The following ADGRB3 variants were observed in gnomAD, a reference collection of about 807,000 sequenced individuals.
The protein encoded by ADGRB3 is brain-specific angiogenesis inhibitor 3.
In ADGRB3, 37 loss-of-function variants were observed where a neutral mutation model predicts 193.4. The observed-to-expected ratio is 0.19, with a 90% CI of 0.15 to 0.25. ADGRB3 has a LOEUF of 0.25. Among genes scored for constraint, ADGRB3 ranks in the 10% least tolerant of loss-of-function variants. The probability of loss-of-function intolerance (pLI) is 1.00; values close to 1 mark genes in which losing one functional copy is unlikely to be tolerated. For missense variants in ADGRB3, 1,637 were observed against 1,852.9 expected, an observed-to-expected ratio of 0.88 and a Z score of 2.14; for synonymous variants, 690 against 644.2, an observed-to-expected ratio of 1.07 and a Z score of -1.08.
At chr6:68,998,716 C>A (rs1445487426) in intron 11 of ADGRB3, among the ~76,000 whole-genome samples, 1 of 152,146 alleles carries the variant, frequency 6.6e-6, no homozygotes. Flanking sequence ...AGAGAAAAAA[C>A]AAAGGAAATA....
intron 4 of ADGRB3, among the ~76,000 whole-genome samples, chr6:68,931,381 A>G (rs932872923): frequency 2.0e-5 from 3 of 152,056 alleles, no homozygotes; most frequent in Admixed American, 1.3e-4. Flanking sequence ...TTGAACTAAT[A>G]TATGTATTCA....
chr6:68,925,494 G>A (rs1767154773), intron 3 of ADGRB3, among the ~76,000 whole-genome samples: 2 of 152,060 alleles, frequency 1.3e-5, no homozygotes, highest in Non-Finnish European at 2.9e-5. Flanking sequence ...CCAGTCAGAT[G>A]ATGGAATCTT....
intron 31 of ADGRB3, among the ~76,000 whole-genome samples, chr6:69,388,165 G>T (rs1770114520): frequency 6.6e-6 from 1 of 151,958 alleles, no homozygotes; most frequent in Admixed American, 6.6e-5. Flanking sequence ...CATAAAACAA[G>T]AGAATATAGC....
At chr6:69,062,434 G>A (rs912039874) in intron 15 of ADGRB3, among the ~76,000 whole-genome samples, 2 of 151,866 alleles carry the variant, frequency 1.3e-5, no homozygotes, top group East Asian at 1.9e-4. Context: ...ATTAGCAACA[G>A]CATTTATTTC....
chr6:69,069,297 G>C (rs564001723), intron 16 of ADGRB3, among the ~76,000 whole-genome samples: 1 of 151,980 alleles, frequency 6.6e-6, no homozygotes, highest in South Asian at 2.1e-4. Context: ...CTGTAGAACT[G>C]TTCATATGTT....
At chr6:68,949,428 G>A (rs576272827) in intron 6 of ADGRB3, among the ~76,000 whole-genome samples, 7 of 152,254 alleles carry the variant, frequency 4.6e-5, no homozygotes, top group Admixed American at 3.3e-4. Flanking sequence ...TAAGAGTAGG[G>A]CCTCATAAAC....
At chr6:69,317,362 C>A (rs1216861207) in intron 20 of ADGRB3, among the ~76,000 whole-genome samples, 1 of 151,326 alleles carries the variant, frequency 6.6e-6, no homozygotes, top group East Asian at 1.9e-4. Context: ...TACACTTGTT[C>A]CTGCTTGTAC....
At chr6:68,888,482 A>C (rs1041027724) in intron 3 of ADGRB3, among the ~76,000 whole-genome samples, 1 of 151,430 alleles carries the variant, frequency 6.6e-6, no homozygotes, top group Non-Finnish European at 1.5e-5. Context: ...GGTCACATTC[A>C]TTTATTCAAT....
chr6:68,670,615 A>G (rs1050472647), intron 3 of ADGRB3, among the ~76,000 whole-genome samples: 22 of 151,672 alleles, frequency 1.5e-4, no homozygotes, highest in African/African-American at 4.8e-4. Context: ...CCATGAGTCT[A>G]TGTTTCTGTT....
At chr6:69,348,353 T>G (rs762703384) in intron 26 of ADGRB3, among the ~76,000 whole-genome samples, 1 of 151,884 alleles carries the variant, frequency 6.6e-6, no homozygotes, top group Non-Finnish European at 1.5e-5. Context: ...CTGTCTCTAG[T>G]CAAGAAGAGT....
intron 20 of ADGRB3, among the ~76,000 whole-genome samples, chr6:69,297,238 C>T (rs1582613852): frequency 6.6e-6 from 1 of 152,014 alleles, no homozygotes; most frequent in South Asian, 2.1e-4. Flanking sequence ...TATATATCAG[C>T]CCAATAAATG....
chr6:68,641,687 G>A lies in ADGRB3; in HGVS notation c.757+2255G>A, dbSNP rs1561980196. Among the ~76,000 whole-genome samples the A allele has an allele frequency of 3.3e-5, 5 of 152,034 alleles. No homozygotes were observed. The South Asian group carries it at 8.3e-4, about 25-fold the overall frequency. The stretch of plus-strand genomic sequence containing the variant: ...AGTAATTACTGATGACACATTTGTA[G>A]GTGATGTATTTGTTAAGTAATTCTT... On this transcript the variant is annotated intron_variant, in intron 3 of 31. Transcript: ENST00000370598.
intron 3 of ADGRB3, among the ~76,000 whole-genome samples, chr6:68,779,060 C>T (rs1427612891): frequency 6.6e-6 from 1 of 151,948 alleles, no homozygotes; most frequent in Non-Finnish European, 1.5e-5. Context: ...AGATCACCCA[C>T]TTTATTAACA....
intron 3 of ADGRB3, among the ~76,000 whole-genome samples, chr6:68,920,436 T>G (rs1767004603): frequency 7.0e-6 from 1 of 142,284 alleles, no homozygotes; most frequent in African/African-American, 2.6e-5. Flanking sequence ...GAGAATGACG[T>G]GAACCCGGGA....
chr6:68,985,388 C>T (rs1456836463), intron 10 of ADGRB3, among the ~76,000 whole-genome samples: 2 of 152,132 alleles, frequency 1.3e-5, no homozygotes, highest in Non-Finnish European at 2.9e-5. Flanking sequence ...TGAATCAATC[C>T]ATTGGCATTA....
chr6:69,185,105 C>G (rs918892285), intron 17 of ADGRB3, among the ~76,000 whole-genome samples: 1 of 152,022 alleles, frequency 6.6e-6, no homozygotes, highest in Admixed American at 6.6e-5. Flanking sequence ...TTCAAATTGC[C>G]TCTCTACAAG....
intron 3 of ADGRB3, among the ~76,000 whole-genome samples, chr6:68,851,297 T>A (rs1319990823): frequency 2.0e-5 from 3 of 151,898 alleles, no homozygotes; most frequent in Non-Finnish European, 4.4e-5. Context: ...TTCTCTCTAG[T>A]TTTCAAATAT....
At chr6:68,687,045 T>A (rs1377594161) in intron 3 of ADGRB3, among the ~76,000 whole-genome samples, 1 of 152,082 alleles carries the variant, frequency 6.6e-6, no homozygotes, top group Non-Finnish European at 1.5e-5. Flanking sequence ...TACACACACA[T>A]TTTGCCATAT....
At chr6:69,297,535 A>G (rs1273235427) in intron 20 of ADGRB3, among the ~76,000 whole-genome samples, 1 of 151,928 alleles carries the variant, frequency 6.6e-6, no homozygotes, top group Non-Finnish European at 1.5e-5. Context: ...CCTCAGCAAT[A>G]AAGTTGCTAC....
Sources: allele counts gnomAD v4.1 joint callset (sites outside exome capture counted in the v4.1 genomes callset), GRCh38; gene constraint gnomAD v4.1.1; transcripts MANE v1.5; gene names NCBI Gene and HGNC (gene_info 2026-07-23, HGNC 2026-07-21).